OSBPL9: variants seen among roughly 807,000 people sequenced by gnomAD.
The protein encoded by OSBPL9 is oxysterol binding protein like 9, also known as oxysterol-binding protein-related protein 9.
Under a neutral mutation model 106.6 loss-of-function variants are expected in OSBPL9, and 40 were observed. The observed-to-expected ratio is 0.38, with a 90% CI of 0.29 to 0.49. The LOEUF is 0.49. OSBPL9 is among the 20% of genes least tolerant of loss of function. OSBPL9 has a pLI of 0.97. For missense variants in OSBPL9, 609 were observed against 887.2 expected, an observed-to-expected ratio of 0.69 and a Z score of 3.98; for synonymous variants, 269 against 295.4, an observed-to-expected ratio of 0.91 and a Z score of 0.92.
At chr1:51,529,691 A>G in the OSBPL9 span, among the ~76,000 whole-genome samples, 2 of 151,808 alleles carry the variant, frequency 1.3e-5, no homozygotes, top group Admixed American at 6.6e-5. Flanking sequence ...TGGCGGAAAG[A>G]ATAGTCTTTT....
chr1:51,769,526 T>G (rs142791983), intron 12 of OSBPL9, among the ~76,000 whole-genome samples: 1 of 152,220 alleles, frequency 6.6e-6, no homozygotes, highest in South Asian at 2.1e-4. Context: ...AATGTAGATA[T>G]AGACATACCG....
At chr1:51,671,375 A>T (rs1649831843) in intron 3 of OSBPL9, among the ~76,000 whole-genome samples, 1 of 152,206 alleles carries the variant, frequency 6.6e-6, no homozygotes, top group Non-Finnish European at 1.5e-5. Flanking sequence ...CATATCTTTA[A>T]ATGTGCTGAA....
intron 1 of OSBPL9, among the ~76,000 whole-genome samples, chr1:51,644,965 CTGCAACAG>C (rs1212040717): frequency 1.3e-5 from 2 of 152,198 alleles, no homozygotes; most frequent in African/African-American, 4.8e-5. Flanking sequence ...AACTGCAACA[CTGCAACAG>C]TGTTGGGAAG....
intron 12 of OSBPL9, among the ~76,000 whole-genome samples, chr1:51,768,458 C>T (rs995356027): frequency 6.6e-6 from 1 of 152,158 alleles, no homozygotes; most frequent in Non-Finnish European, 1.5e-5. Context: ...AGGCTGTCCG[C>T]CTGCCTCGGC....
At chr1:51,691,466 C>T (rs373169162) in intron 3 of OSBPL9, among the ~76,000 whole-genome samples, 2 of 151,270 alleles carry the variant, frequency 1.3e-5, no homozygotes, top group South Asian at 2.1e-4. Context: ...TTTTAGTAGA[C>T]ACGGGGTTTC....
intron 2 of OSBPL9, among the ~76,000 whole-genome samples, chr1:51,611,642 A>G (rs1313264581): frequency 6.6e-6 from 1 of 152,234 alleles, no homozygotes; most frequent in East Asian, 1.9e-4. Context: ...GAAACTTCCT[A>G]TGGAGAAACA....
the OSBPL9 span, among the ~76,000 whole-genome samples, chr1:51,518,645 C>T: frequency 6.6e-6 from 1 of 152,180 alleles, no homozygotes; most frequent in South Asian, 2.1e-4. Flanking sequence ...GAAGGGAGGG[C>T]TTCCGTCGGA....
At chr1:51,693,377 T>TAA (rs1394765877) in intron 3 of OSBPL9, among the ~76,000 whole-genome samples, 2 of 133,978 alleles carry the variant, frequency 1.5e-5, no homozygotes, top group Non-Finnish European at 3.2e-5. Flanking sequence ...AGACTGTCTT[T>TAA]AAAAAAAAAA....
At chr1:51,632,038 T>G (rs1393292283) in intron 1 of OSBPL9, among the ~76,000 whole-genome samples, 4 of 152,226 alleles carry the variant, frequency 2.6e-5, no homozygotes, top group African/African-American at 9.6e-5. Context: ...ATAACAATGC[T>G]TTCTTCTGGA....
intron 2 of OSBPL9, among the ~76,000 whole-genome samples, chr1:51,599,410 G>A (rs942985798): frequency 1.3e-5 from 2 of 152,142 alleles, no homozygotes; most frequent in Non-Finnish European, 2.9e-5. Context: ...TGCTCCTCAA[G>A]GGCAGTGAGC....
At chr1:51,745,483 T>C in intron 4 of OSBPL9, 53 bp from the exon 5 acceptor site, 3 of 1,583,964 alleles carry the variant, frequency 1.9e-6, no homozygotes, top group Non-Finnish European at 2.6e-6. Flanking sequence ...TTTTTTGTAC[T>C]ATTAAACTTT....
Position 51,787,899 on chromosome 1 carries a change from G to A in OSBPL9, c.*110G>A. The A allele has an allele frequency of 1.0e-6, 1 of 977,008 alleles. No individual in the cohort carries two copies. 60.5% of individuals were successfully genotyped at this position (977,008 alleles called of 1,614,324 possible). A position where few individuals can be genotyped will look rare whatever the true frequency, so the allele number is the denominator to read the frequency against. ...TTCATTCCAATCTTCTAATTACAGT[G>A]GTTCCTATCTCAGGGATACTGGACT... On this transcript the variant is annotated 3_prime_UTR_variant, in exon 24 of 24. Coordinates refer to ENST00000428468, the MANE Select transcript of OSBPL9 (RefSeq NM_024586.6).
At chr1:51,707,664 TG>T in intron 3 of OSBPL9, 1 of 204,716 alleles carries the variant, frequency 4.9e-6, no homozygotes, top group Admixed American at 4.7e-5. Context: ...TGACCTTGGA[TG>T]GGGGTGCAGT....
chr1:51,639,819 T>G lies in OSBPL9; in HGVS notation c.112-12172T>G, dbSNP rs923451952. Among the ~76,000 whole-genome samples, 7 of 131,012 alleles carry G rather than the reference T, an allele frequency of 5.3e-5. No homozygotes were observed. In the East Asian group the frequency reaches 6.4e-4, roughly 12 times the overall value. 85.9% of individuals were successfully genotyped at this position (131,012 alleles called of 152,430 possible). ...ATTCGGGGAGGCATTCCTAGTTGTT[T>G]TTTTTTTTTTTTTTTTTTTTTTTGA... On this transcript the variant is annotated intron_variant, in intron 1 of 23. Transcript: ENST00000428468.
chr1:51,702,470 C>A (rs1657504661), intron 3 of OSBPL9, among the ~76,000 whole-genome samples: 1 of 152,210 alleles, frequency 6.6e-6, no homozygotes, highest in African/African-American at 2.4e-5. Context: ...CTGTTCATAT[C>A]CTTTGCCCAC....
At chr1:51,714,391 C>A (rs1309697927) in intron 4 of OSBPL9, among the ~76,000 whole-genome samples, 2 of 152,118 alleles carry the variant, frequency 1.3e-5, no homozygotes, top group Non-Finnish European at 2.9e-5. Flanking sequence ...ATCAATACAA[C>A]CAAATTACAT....
the OSBPL9 span, among the ~76,000 whole-genome samples, chr1:51,530,648 G>A: frequency 1.3e-5 from 2 of 152,082 alleles, no homozygotes; most frequent in African/African-American, 4.8e-5. Context: ...AGTGAGCTAT[G>A]ATTGCGTCAC....
At chr1:51,777,845 C>A (rs1675423527) in intron 15 of OSBPL9, among the ~76,000 whole-genome samples, 1 of 152,096 alleles carries the variant, frequency 6.6e-6, no homozygotes, top group South Asian at 2.1e-4. Flanking sequence ...AGAATTTAAA[C>A]TTTGAGGCCC....
At chr1:51,668,617 G>A (rs1018651787) in intron 2 of OSBPL9, among the ~76,000 whole-genome samples, 2 of 152,164 alleles carry the variant, frequency 1.3e-5, no homozygotes, top group Admixed American at 1.3e-4. Context: ...CTAGGCAACA[G>A]GGTGAGACTC....
Sources: gnomAD v4.1 joint callset for allele counts (sites outside exome capture counted in the v4.1 genomes callset) on GRCh38, gnomAD v4.1.1 for gene constraint, MANE v1.5 for transcripts, NCBI Gene and HGNC (gene_info 2026-07-23, HGNC 2026-07-21) for gene names.